TES: variants seen among roughly 807,000 people sequenced by gnomAD.
TES encodes the protein testin.
TES carries 41 observed loss-of-function variants against 48.2 expected under a neutral mutation model. That is an observed-to-expected ratio of 0.85 (90% confidence interval 0.66 to 1.10). The LOEUF (loss-of-function observed/expected upper bound fraction) is 1.10, where lower values mean the gene tolerates loss of function less well. Ranked by LOEUF, TES falls within the 50% of genes least tolerant of loss-of-function variation. The pLI is 0.00. For missense variants in TES, 463 were observed against 515.1 expected, an observed-to-expected ratio of 0.90 and a Z score of 0.98; for synonymous variants, 162 against 174.9, an observed-to-expected ratio of 0.93 and a Z score of 0.58.
intron 1 of TES, among the ~76,000 whole-genome samples, chr7:116,231,090 C>T (rs1050417462): frequency 6.6e-6 from 1 of 152,176 alleles, no homozygotes; most frequent in African/African-American, 2.4e-5. Context: ...TAGTCCTCTG[C>T]CCCAAAAGAA....
At chr7:116,253,365 CTG>C (rs1276040467) in intron 6 of TES, among the ~76,000 whole-genome samples, 1 of 152,222 alleles carries the variant, frequency 6.6e-6, no homozygotes, top group East Asian at 1.9e-4. Context: ...TCTCTATCAA[CTG>C]TGCCTCACCA....
At chr7:116,240,386 T>A (rs58770000) in intron 2 of TES, among the ~76,000 whole-genome samples, 1 of 152,104 alleles carries the variant, frequency 6.6e-6, no homozygotes, top group South Asian at 2.1e-4. Context: ...AATGTAAATA[T>A]GTTTATTTGT....
chr7:116,212,340 A>G (rs1799448291), intron 1 of TES, among the ~76,000 whole-genome samples: 1 of 152,222 alleles, frequency 6.6e-6, no homozygotes, highest in African/African-American at 2.4e-5. Flanking sequence ...GTAATTATAC[A>G]TTAATCAAAA....
intron 2 of TES, chr7:116,243,778 T>G (rs1799884449): frequency 6.6e-6 from 1 of 152,204 alleles, no homozygotes; most frequent in Non-Finnish European, 1.5e-5. Flanking sequence ...TAGTCTGCTC[T>G]CAGTTAGTCA....
chr7:116,227,018 TG>T (rs1443992663), intron 1 of TES, among the ~76,000 whole-genome samples: 5 of 152,330 alleles, frequency 3.3e-5, no homozygotes, highest in Admixed American at 6.5e-5. Flanking sequence ...CTAAGAAAGT[TG>T]GCAAACTAAT....
At chr7:116,223,941 C>T (rs1799588791) in intron 1 of TES, among the ~76,000 whole-genome samples, 1 of 152,214 alleles carries the variant, frequency 6.6e-6, no homozygotes, top group Non-Finnish European at 1.5e-5. Flanking sequence ...AGTAGTCACA[C>T]CCTTACATAT....
rs143000022 is a variant in TES at position 116,252,441 on chromosome 7, G to T, written c.1042G>T (p.Val348Leu). 1.2e-6 allele frequency: 2 copies of T among 1,614,182 alleles called. No individual in the cohort carries two copies. The highest frequency in any genetic ancestry group is 8.5e-7 in the Non-Finnish European group (1 of 1,180,026). Residue 348 changes from valine to leucine, a missense_variant, in exon 6 of 7, where the codon GTG (valine) becomes TTG (leucine). Coordinates refer to ENST00000358204, the MANE Select transcript of TES (RefSeq NM_015641.4). ...ATACGTGATGGTCAATGACAAGCCC[G>T]TGTGCAAGCCCTGCTATGTGAAGAA... Reference protein sequence around the residue: ...EIYVMVNDKPVCKPCYVKNHA... With the variant: ...EIYVMVNDKPLCKPCYVKNHA...
rs1237258248 is a variant in TES at position 116,234,637 on chromosome 7, G to T, written c.113+18G>T. On this transcript the variant is annotated intron_variant, in intron 2 of 6. Transcript: ENST00000358204. ...TTCTGGAGGTATTGTTTTGAAAACTGCAACCACATTAGTAATTTATACTTT... is the reference window on the plus strand; with the variant it reads ...TTCTGGAGGTATTGTTTTGAAAACTTCAACCACATTAGTAATTTATACTTT... 1.9e-6 allele frequency: 3 copies of T among 1,593,944 alleles called. No individual in the cohort carries two copies. The highest frequency in any genetic ancestry group is 2.6e-6 in the Non-Finnish European group (3 of 1,161,968).
intron 1 of TES, among the ~76,000 whole-genome samples, chr7:116,213,939 T>TAA (rs1799465988): frequency 6.6e-6 from 1 of 152,146 alleles, no homozygotes; most frequent in South Asian, 2.1e-4. Context: ...CCAGCTGTTT[T>TAA]CCTCTTTCCT....
chr7:116,233,235 A>C (rs1044940881), intron 1 of TES, among the ~76,000 whole-genome samples: 3 of 152,198 alleles, frequency 2.0e-5, no homozygotes, highest in African/African-American at 2.4e-5. Context: ...CACTGTACTG[A>C]TGTAAGGCTG....
intron 2 of TES, among the ~76,000 whole-genome samples, chr7:116,240,646 T>C (rs1171308358): frequency 3.3e-5 from 5 of 152,170 alleles, no homozygotes; most frequent in African/African-American, 1.2e-4. Flanking sequence ...TTTAAAAGAA[T>C]CATGAAAAAG....
At position 116,257,687 on chromosome 7, in the gene TES, A is replaced by C; in HGVS notation, c.*205A>C. The C allele has an allele frequency of 2.2e-6, 1 of 451,712 alleles. No individual in the cohort carries two copies. The highest frequency in any genetic ancestry group is 3.9e-6 in the Non-Finnish European group (1 of 256,930). 28.0% of individuals were successfully genotyped at this position (451,712 alleles called of 1,614,324 possible). A position where few individuals can be genotyped will look rare whatever the true frequency, so the allele number is the denominator to read the frequency against. ...AACTTGGTTTAAGCATTTGATTTGT[A>C]AAACAGTAAATAATTGTATCTTTCC... On this transcript the variant is annotated 3_prime_UTR_variant, in exon 7 of 7. Coordinates refer to ENST00000358204, the MANE Select transcript of TES (RefSeq NM_015641.4).
intron 1 of TES, among the ~76,000 whole-genome samples, chr7:116,221,736 C>T (rs1055121459): frequency 6.6e-6 from 1 of 152,134 alleles, no homozygotes; most frequent in East Asian, 1.9e-4. Flanking sequence ...TCATTGGTGG[C>T]TTAAGATTGA....
intron 2 of TES, 60 bp from the exon 3 acceptor site, chr7:116,248,960 A>G: frequency 6.8e-7 from 1 of 1,461,740 alleles, no homozygotes; most frequent in Non-Finnish European, 9.1e-7. Context: ...CTATAAATGT[A>G]TGAACATAAA....
intron 1 of TES, among the ~76,000 whole-genome samples, chr7:116,228,004 TTTTG>T (rs1453519488): frequency 2.2e-5 from 3 of 136,170 alleles, no homozygotes; most frequent in East Asian, 2.1e-4. Context: ...ATAGTCTTTT[TTTTG>T]TTTTTTTTTT....
At chr7:116,213,067 T>G (rs1799457419) in intron 1 of TES, among the ~76,000 whole-genome samples, 2 of 152,186 alleles carry the variant, frequency 1.3e-5, no homozygotes, top group African/African-American at 4.8e-5. Flanking sequence ...ACAAAAAGTT[T>G]CCCAGTACAA....
At chr7:116,252,050 A>G in intron 5 of TES, 75 bp downstream of exon 5, 1 of 1,452,666 alleles carries the variant, frequency 6.9e-7, no homozygotes, top group Non-Finnish European at 9.6e-7. Flanking sequence ...AGAAGGCAAC[A>G]AGACTTGACC....
intron 6 of TES, among the ~76,000 whole-genome samples, chr7:116,253,680 A>G (rs1800051804): frequency 6.6e-6 from 1 of 152,142 alleles, no homozygotes; most frequent in Admixed American, 6.5e-5. Flanking sequence ...TACTCCTAAT[A>G]GTTTTTCTAA....
At chr7:116,246,168 C>T (rs1799920833) in intron 2 of TES, among the ~76,000 whole-genome samples, 1 of 152,162 alleles carries the variant, frequency 6.6e-6, no homozygotes, top group South Asian at 2.1e-4. Context: ...AAGGAGACCT[C>T]AAATTTCTTC....
Sources: allele counts gnomAD v4.1 joint callset (sites outside exome capture counted in the v4.1 genomes callset), GRCh38; gene constraint gnomAD v4.1.1; transcripts MANE v1.5; gene names NCBI Gene and HGNC (gene_info 2026-07-23, HGNC 2026-07-21).